Variants in MB21D2 observed in about 807,000 individuals in gnomAD.
MB21D2 encodes nucleotidyltransferase MB21D2.
In MB21D2, 9 loss-of-function variants were observed where a neutral mutation model predicts 33.3. That is an observed-to-expected ratio of 0.27 (90% confidence interval 0.16 to 0.47). MB21D2 has a LOEUF of 0.47. Ranked by LOEUF, MB21D2 falls within the 20% of genes least tolerant of loss-of-function variation. MB21D2 has a pLI of 0.99. For missense variants in MB21D2, 540 were observed against 624.6 expected, an observed-to-expected ratio of 0.86 and a Z score of 1.44; for synonymous variants, 241 against 236.3, an observed-to-expected ratio of 1.02 and a Z score of -0.18.
chr3:192,898,897 G>A (rs1238568679), intron 1 of MB21D2, among the ~76,000 whole-genome samples: 3 of 152,196 alleles, frequency 2.0e-5, no homozygotes, highest in Non-Finnish European at 2.9e-5. Context: ...TAAGTGGGAT[G>A]AGAGAGATGG....
chr3:192,875,334 C>CGAATGGAT (rs1413612754), intron 1 of MB21D2, among the ~76,000 whole-genome samples: 1 of 151,928 alleles, frequency 6.6e-6, no homozygotes, highest in Non-Finnish European at 1.5e-5. Context: ...GTTTGCTGCA[C>CGAATGGAT]GAATGGATGA....
At chr3:192,836,390 T>A (rs1712439895) in intron 1 of MB21D2, among the ~76,000 whole-genome samples, 2 of 152,198 alleles carry the variant, frequency 1.3e-5, no homozygotes, top group Middle Eastern at 3.2e-3. Flanking sequence ...ACTCACAAAT[T>A]CTTATGTTGA....
At chr3:192,828,654 A>G (rs1307295917) in intron 1 of MB21D2, among the ~76,000 whole-genome samples, 3 of 48,306 alleles carry the variant, frequency 6.2e-5, no homozygotes, top group African/African-American at 7.9e-5. Context: ...ATATATATAT[A>G]TATATATATT....
rs1194490265 is a variant in MB21D2 at position 192,870,475 on chromosome 3, G to A, written c.211+47155C>T. 2.6e-5 allele frequency among the ~76,000 whole-genome samples: 4 copies of A among 152,152 alleles called. No individual in the cohort carries two copies. The East Asian group carries it at 5.8e-4, about 22-fold the overall frequency. On this transcript the variant is annotated intron_variant, in intron 1 of 1. Transcript: ENST00000392452. The stretch of plus-strand genomic sequence containing the variant: ...GGAGGCCGAGGTGGGTGGATCGCTT[G>A]AGGTCAGGAGTTTGAGACCAGCCTG...
At chr3:192,903,359 G>C (rs1409838271) in intron 1 of MB21D2, among the ~76,000 whole-genome samples, 2 of 152,146 alleles carry the variant, frequency 1.3e-5, no homozygotes, top group Non-Finnish European at 2.9e-5. Context: ...ACGGAGGAGG[G>C]AGGAAGTCAA....
At chr3:192,840,415 CTTTTTTTTTTTTTT>C (rs71177380) in intron 1 of MB21D2, among the ~76,000 whole-genome samples, 2 of 88,290 alleles carry the variant, frequency 2.3e-5, no homozygotes, top group East Asian at 3.8e-4. Flanking sequence ...TCTCTTTTTT[CTTTTTTTTTTTTTT>C]TTTTTTTTTT....
At chr3:192,855,538 C>A (rs1712897442) in intron 1 of MB21D2, among the ~76,000 whole-genome samples, 1 of 152,198 alleles carries the variant, frequency 6.6e-6, no homozygotes, top group East Asian at 1.9e-4. Flanking sequence ...TGGTGTAGAA[C>A]TGAACCCACA....
At chr3:192,875,185 T>C (rs1713403680) in intron 1 of MB21D2, among the ~76,000 whole-genome samples, 1 of 152,218 alleles carries the variant, frequency 6.6e-6, no homozygotes, top group Non-Finnish European at 1.5e-5. Flanking sequence ...CCATTTTTAT[T>C]AGACATCATT....
intron 1 of MB21D2, among the ~76,000 whole-genome samples, chr3:192,840,702 A>T (rs1406216352): frequency 2.0e-5 from 3 of 152,144 alleles, no homozygotes; most frequent in Non-Finnish European, 4.4e-5. Context: ...GGGCCTCTTA[A>T]GCTCCCTTGA....
At chr3:192,895,762 T>C (rs1713957239) in intron 1 of MB21D2, among the ~76,000 whole-genome samples, 1 of 152,178 alleles carries the variant, frequency 6.6e-6, no homozygotes. Context: ...AGACCAGCTC[T>C]CACTGTGTTG....
At chr3:192,860,422 G>T (rs1428290072) in intron 1 of MB21D2, among the ~76,000 whole-genome samples, 1 of 152,090 alleles carries the variant, frequency 6.6e-6, no homozygotes, top group African/African-American at 2.4e-5. Context: ...TGCAAAGACT[G>T]ATCTGGGAAA....
intron 1 of MB21D2, among the ~76,000 whole-genome samples, chr3:192,853,648 G>T (rs1349237497): frequency 6.9e-5 from 10 of 145,902 alleles, no homozygotes; most frequent in African/African-American, 1.8e-4. Flanking sequence ...TTGGTGTTTT[G>T]TTTTTTTTTT....
At chr3:192,848,057 G>A (rs1440987266) in intron 1 of MB21D2, among the ~76,000 whole-genome samples, 2 of 152,168 alleles carry the variant, frequency 1.3e-5, no homozygotes, top group Non-Finnish European at 2.9e-5. Context: ...GCCAAGAAGT[G>A]TTCTTCCATC....
At chr3:192,842,411 A>G (rs967369422) in intron 1 of MB21D2, among the ~76,000 whole-genome samples, 2 of 152,232 alleles carry the variant, frequency 1.3e-5, no homozygotes, top group South Asian at 4.1e-4. Flanking sequence ...ATTCATGCAT[A>G]TAACATGCTG....
At chr3:192,884,477 C>T (rs1370289235) in intron 1 of MB21D2, among the ~76,000 whole-genome samples, 2 of 151,860 alleles carry the variant, frequency 1.3e-5, no homozygotes. Flanking sequence ...CTCCATTCTC[C>T]TGCCTCAGCC....
intron 1 of MB21D2, among the ~76,000 whole-genome samples, chr3:192,841,774 T>C (rs1455576923): frequency 6.6e-6 from 1 of 152,230 alleles, no homozygotes; most frequent in African/African-American, 2.4e-5. Flanking sequence ...TAACTAATAA[T>C]ACATTAGGCT....
rs150859850 is a variant in MB21D2 at position 192,862,488 on chromosome 3, G to C, written c.211+55142C>G. On this transcript the variant is annotated intron_variant, in intron 1 of 1. Coordinates refer to ENST00000392452, the MANE Select transcript of MB21D2 (RefSeq NM_178496.4). ...CCTCTAGAAGAAGTAACTTCCTCAG[G>C]GTGCTGAAACAGAGGCTGGGCGACC... Among the ~76,000 whole-genome samples, 908 of 152,300 alleles carry C rather than the reference G, an allele frequency of 6.0e-3. 7 individuals carry two copies. The highest frequency in any genetic ancestry group is 0.02 in the African/African-American group (824 of 41,562).
At position 192,797,332 on chromosome 3, in the gene MB21D2, A is replaced by G. The variant is rs1367962648; in HGVS notation, c.*1054T>C. 3.9e-5 allele frequency: 6 copies of G among 152,644 alleles called. No homozygotes were observed. The highest frequency in any genetic ancestry group is 8.8e-5 in the Non-Finnish European group (6 of 68,046). 9.5% of individuals were successfully genotyped at this position (152,644 alleles called of 1,614,324 possible). On this transcript the variant is annotated 3_prime_UTR_variant, in exon 2 of 2. Coordinates refer to ENST00000392452, the MANE Select transcript of MB21D2 (RefSeq NM_178496.4). The stretch of plus-strand genomic sequence containing the variant: ...AGATTTTACAAAAAAGCTTACCTCT[A>G]TGACCCCAAAAGAAATAAATACAAA...
chr3:192,834,073 G>A (rs1002103026), intron 1 of MB21D2, among the ~76,000 whole-genome samples: 2 of 152,150 alleles, frequency 1.3e-5, no homozygotes, highest in Non-Finnish European at 2.9e-5. Context: ...GCAGGTACAT[G>A]GTACATGGCA....
Sources: allele counts gnomAD v4.1 joint callset (sites outside exome capture counted in the v4.1 genomes callset), GRCh38; gene constraint gnomAD v4.1.1; transcripts MANE v1.5; gene names NCBI Gene and HGNC (gene_info 2026-07-23, HGNC 2026-07-21).